Variants in COL3A1 observed in about 807,000 individuals in gnomAD.
COL3A1 encodes collagen type III alpha 1 chain, also known as collagen alpha-1(III) chain.
In COL3A1, 46 loss-of-function variants were observed where a neutral mutation model predicts 200.9. The observed-to-expected ratio is 0.23, with a 90% confidence interval of 0.18 to 0.29. The LOEUF is 0.29. Among genes scored for constraint, COL3A1 ranks in the 10% least tolerant of loss-of-function variants. COL3A1 has a pLI of 1.00. For synonymous variants in COL3A1, 650 were observed against 628.0 expected, an observed-to-expected ratio of 1.03 and a Z score of -0.52; for missense variants, 1,367 against 1,917.6, an observed-to-expected ratio of 0.71 and a Z score of 5.36.
chr2:189,003,548 C>A, intron 37 of COL3A1, 84 bp downstream of exon 37: 1 of 1,421,384 alleles, frequency 7.0e-7, no homozygotes, highest in South Asian at 1.2e-5. Flanking sequence ...ACACTAGTTC[C>A]ATAAAGAGAA....
chr2:188,991,392 G>C (rs1688185435), intron 11 of COL3A1, 95 bp from the exon 12 acceptor site: 1 of 765,214 alleles, frequency 1.3e-6, no homozygotes, highest in African/African-American at 1.8e-5. Flanking sequence ...TCTTTTTCTA[G>C]GCTCTATAAA....
chr2:188,978,726 A>C (rs1397864924), intron 1 of COL3A1, among the ~76,000 whole-genome samples: 2 of 149,058 alleles, frequency 1.3e-5, no homozygotes, highest in African/African-American at 2.5e-5. Flanking sequence ...TTTCCCTAAG[A>C]TAAAAGCTCA....
intron 5 of COL3A1, among the ~76,000 whole-genome samples, chr2:188,987,374 C>A (rs1187605826): frequency 2.0e-5 from 3 of 150,556 alleles, no homozygotes; most frequent in South Asian, 2.1e-4. Flanking sequence ...AAACCAAAGT[C>A]AACACTTATT....
chr2:189,010,842 T>C lies in COL3A1; in HGVS notation c.4206T>C (p.Ala1402=). The change falls in exon 50 of 51, where the codon GCT becomes GCC. Residue 1402 remains alanine, a synonymous_variant. Transcript: ENST00000304636. ...LMGSNEGEFK[A]EGNSKFTYTV... ...GGTCAAATGAAGGTGAATTCAAGGC[T>C]GAAGGAAATAGCAAATTCACCTACA... 6.2e-7 allele frequency: 1 copy of C among 1,614,160 alleles called. No individual in the cohort carries two copies. Among genetic ancestry groups the C allele is most frequent in the South Asian group, 1.1e-5 (1 of 91,084 alleles).
chr2:189,010,004 A>G (rs1316216934), intron 48 of COL3A1, among the ~76,000 whole-genome samples, 174 bp from the exon 49 acceptor site: 2 of 152,216 alleles, frequency 1.3e-5, no homozygotes, highest in Non-Finnish European at 2.9e-5. Context: ...TTCTGTAGTC[A>G]TAGCTAACTC....
chr2:188,984,003 A>G (rs1688011173), intron 1 of COL3A1, among the ~76,000 whole-genome samples: 2 of 151,742 alleles, frequency 1.3e-5, no homozygotes, highest in Admixed American at 1.3e-4. Context: ...GGTTGAAGCA[A>G]TTTTTTTTAC....
intron 7 of COL3A1, 152 bp from the exon 8 acceptor site, chr2:188,989,244 A>G (rs1688126313): frequency 1.6e-6 from 1 of 608,666 alleles, no homozygotes; most frequent in Non-Finnish European, 2.9e-6. Flanking sequence ...ATAGAGGTAT[A>G]ATATTAACTC....
At position 189,011,993 on chromosome 2, in the gene COL3A1, A is replaced by G. The variant is rs900605228; in HGVS notation, c.*219A>G. 7.0e-6 allele frequency: 4 copies of G among 573,084 alleles called. No homozygotes were observed. The highest frequency in any genetic ancestry group is 6.2e-5 in the East Asian group (2 of 32,512). The allele number at this position is 573,084 out of a possible 1,614,324, so 35.5% of individuals were successfully genotyped here. On this transcript the variant is annotated 3_prime_UTR_variant, in exon 51 of 51. Transcript: ENST00000304636. ...TGCTTTTTGTTTTATTTTTTTACCAATTCCAATTTCAAAATGTCTCAATGG... is the reference window on the plus strand; with the variant it reads ...TGCTTTTTGTTTTATTTTTTTACCAGTTCCAATTTCAAAATGTCTCAATGG...
intron 48 of COL3A1, 65 bp from the exon 49 acceptor site, chr2:189,010,113 A>C: frequency 6.6e-7 from 1 of 1,524,026 alleles, no homozygotes; most frequent in Admixed American, 1.7e-5. Context: ...TTACAGGTAA[A>C]CAAACAAAAT....
intron 21 of COL3A1, 150 bp downstream of exon 21, chr2:188,995,249 C>T (rs1396773185): frequency 1.3e-6 from 1 of 758,024 alleles, no homozygotes; most frequent in Non-Finnish European, 2.2e-6. Flanking sequence ...CTCTGTTCAA[C>T]AACTTTCCTG....
intron 48 of COL3A1, 148 bp from the exon 49 acceptor site, chr2:189,010,030 T>A: frequency 1.3e-6 from 1 of 741,710 alleles, no homozygotes; most frequent in South Asian, 1.8e-5. Context: ...CCTCAGCAAT[T>A]TCAATCAAAA....
intron 1 of COL3A1, 150 bp from the exon 2 acceptor site, chr2:188,984,610 T>A: frequency 1.4e-6 from 1 of 693,466 alleles, no homozygotes; most frequent in Non-Finnish European, 2.5e-6. Context: ...GCAAATTACA[T>A]AGGGCAAGTA....
At chr2:189,010,021 C>T (rs1688685344) in intron 48 of COL3A1, among the ~76,000 whole-genome samples, 157 bp from the exon 49 acceptor site, 1 of 152,224 alleles carries the variant, frequency 6.6e-6, no homozygotes, top group African/African-American at 2.4e-5. Flanking sequence ...ACTCTTTTAC[C>T]TCAGCAATTT....
intron 1 of COL3A1, among the ~76,000 whole-genome samples, chr2:188,976,249 A>G (rs936808764): frequency 6.6e-6 from 1 of 152,102 alleles, no homozygotes; most frequent in African/African-American, 2.4e-5. Flanking sequence ...GCTTTTTATA[A>G]GCACTGTGGC....
intron 43 of COL3A1, 57 bp downstream of exon 43, chr2:189,006,509 T>C: frequency 6.5e-7 from 1 of 1,532,824 alleles, no homozygotes; most frequent in African/African-American, 1.4e-5. Context: ...ATAAAGACAT[T>C]TGTAGGTAGA....
rs767508658 is a variant in COL3A1 at position 188,994,841 on chromosome 2, C to T, written c.1455+10C>T. ...AGCTGCAGGAGAAAGGGTACGTTTT[C>T]CATGGGGCATCTAAAAGAAAAGCAG... On this transcript the variant is annotated intron_variant, in intron 20 of 50. Transcript: ENST00000304636. This position sits in a 1 kb window ranked among gnomAD's most constrained non-coding sequence, Gnocchi z 4.5. The T allele has an allele frequency of 1.2e-6, 2 of 1,612,376 alleles. No homozygotes were observed. Among genetic ancestry groups the T allele is most frequent in the African/African-American group, 1.3e-5 (1 of 74,886 alleles).
rs1475892232 is a variant in COL3A1 at position 189,004,152 on chromosome 2, C to T, written c.2823+9C>T. 1 of 1,613,810 alleles carries T rather than the reference C, an allele frequency of 6.2e-7. No homozygotes were observed. The highest frequency in any genetic ancestry group is 8.5e-7 in the Non-Finnish European group (1 of 1,179,978). On this transcript the variant is annotated intron_variant, in intron 39 of 50. Coordinates refer to ENST00000304636, the MANE Select transcript of COL3A1 (RefSeq NM_000090.4). The stretch of plus-strand genomic sequence containing the variant: ...GTGCCCAGGGCCCACCAGTAAGTAA[C>T]TTCATTTTTTTAAATTGATTCTACT...
intron 21 of COL3A1, 37 bp downstream of exon 21, chr2:188,995,136 C>T (rs1688277297): frequency 6.4e-7 from 1 of 1,573,436 alleles, no homozygotes; most frequent in Non-Finnish European, 8.7e-7. Context: ...TAAATGCTAG[C>T]ACCACAAATG....
Position 189,008,928 on chromosome 2 carries a change from CCCCAGGCCA to C in COL3A1, c.3537_3545del (p.His1180_Gly1182del). On this transcript the variant is annotated inframe_deletion, in exon 48 of 51. Coordinates refer to ENST00000304636, the MANE Select transcript of COL3A1 (RefSeq NM_000090.4). ...TCCATGTTTTACTCATTCTAGGGCT[CCCCAGGCCA>C]CCCAGGGCAACCAGGCCCTCCTGGA... is the stretch of plus-strand genomic sequence containing the variant. 2 of 1,613,776 alleles carry C rather than the reference CCCCAGGCCA, an allele frequency of 1.2e-6. No individual in the cohort carries two copies. The highest frequency in any genetic ancestry group is 2.2e-5 in the East Asian group (1 of 44,882).
Sources: allele counts gnomAD v4.1 joint callset (sites outside exome capture counted in the v4.1 genomes callset), GRCh38; gene constraint gnomAD v4.1.1; non-coding constraint Gnocchi (gnomAD v3.1); transcripts MANE v1.5; gene names NCBI Gene and HGNC (gene_info 2026-07-23, HGNC 2026-07-21).